ASTL: variants seen among roughly 807,000 people sequenced by gnomAD.
The protein encoded by ASTL is astacin like metalloendopeptidase, also known as astacin-like metalloendopeptidase.
A neutral mutation model predicts 36.7 loss-of-function variants in ASTL; 27 were observed. The observed-to-expected ratio is 0.73, with a 90% confidence interval of 0.54 to 1.01. The LOEUF (loss-of-function observed/expected upper bound fraction) is 1.01. Among genes scored for constraint, ASTL ranks in the 50% least tolerant of loss-of-function variants. The probability of loss-of-function intolerance (pLI) is 0.00; values close to 1 mark genes in which losing one functional copy is unlikely to be tolerated. For missense variants in ASTL, 524 were observed against 572.8 expected (o/e 0.91, Z 0.87); for synonymous variants, 222 against 228.1 (o/e 0.97, Z 0.24).
chr2:96,128,175 T>C (rs1264252460), intron 8 of ASTL, among the ~76,000 whole-genome samples: 1 of 148,722 alleles, frequency 6.7e-6, no homozygotes, highest in African/African-American at 2.5e-5. Context: ...GAAGTTGCAG[T>C]GAGCCAAGAT....
rs1025535934 is a variant in ASTL at position 96,133,446 on chromosome 2, A to G, written c.434T>C (p.Ile145Thr). The change falls in exon 5 of 9, where the codon ATT (isoleucine) becomes ACT (threonine). Residue 145 changes from isoleucine to threonine, a missense_variant. Physicochemically the swap from Ile to Thr is moderately conservative, Grantham distance 89. Coordinates refer to ENST00000342380, the MANE Select transcript of ASTL (RefSeq NM_001002036.4). ...FVTYQDQRDF[I>T]SIIPMYGCFS... Reference sequence around the variant, plus strand: ...TTACCCATACATGGGGATGATGGAAATGAAGTCTCTCTGGTCCTGATAGGT... The same window carrying G: ...TTACCCATACATGGGGATGATGGAAGTGAAGTCTCTCTGGTCCTGATAGGT... 1.2e-6 allele frequency: 2 copies of G among 1,612,602 alleles called. No individual in the cohort carries two copies. Among genetic ancestry groups the G allele is most frequent in the Non-Finnish European group, 1.7e-6 (2 of 1,178,680 alleles).
intron 8 of ASTL, among the ~76,000 whole-genome samples, chr2:96,128,039 C>A (rs1293121029): frequency 1.3e-5 from 2 of 152,082 alleles, no homozygotes. Context: ...TCAAGACCAG[C>A]CTAGCCAACA....
chr2:96,131,952 C>G (rs1005857074), intron 6 of ASTL, among the ~76,000 whole-genome samples: 1 of 152,200 alleles, frequency 6.6e-6, no homozygotes, highest in African/African-American at 2.4e-5. Flanking sequence ...CGCCACACAG[C>G]CGCTGCCAGC....
intron 1 of ASTL, among the ~76,000 whole-genome samples, 187 bp downstream of exon 1, chr2:96,138,195 C>G (rs1224879936): frequency 6.6e-6 from 1 of 152,194 alleles, no homozygotes; most frequent in Non-Finnish European, 1.5e-5. Context: ...CCTCTGCTTC[C>G]AGGGCCTTCA....
At chr2:96,128,208 G>C (rs1682101179) in intron 8 of ASTL, among the ~76,000 whole-genome samples, 1 of 149,940 alleles carries the variant, frequency 6.7e-6, no homozygotes, top group Admixed American at 6.6e-5. Flanking sequence ...CTCCAGCCTG[G>C]GCAAAAAGAG....
chr2:96,132,835 G>A lies in ASTL; in HGVS notation c.456-114C>T, dbSNP rs1331560104. On this transcript the variant is annotated intron_variant, in intron 5 of 8. Transcript: ENST00000342380. This position sits in a 1 kb window ranked among gnomAD's most constrained non-coding sequence, Gnocchi z 5.4. The stretch of plus-strand genomic sequence containing the variant: ...AGATAGACAAACTCCCAACAGGCAG[G>A]CCCCACTCTGGGCTCTAGTCTCAGG... The A allele has an allele frequency of 5.6e-5, 53 of 950,770 alleles. No homozygotes were observed. Among genetic ancestry groups the A allele is most frequent in the Non-Finnish European group, 7.8e-5 (51 of 656,554 alleles). The allele number at this position is 950,770 out of a possible 1,614,324, so 58.9% of individuals were successfully genotyped here.
chr2:96,137,873 T>C (rs1479069167), intron 1 of ASTL, 173 bp from the exon 2 acceptor site: 2 of 631,238 alleles, frequency 3.2e-6, no homozygotes, highest in Admixed American at 5.9e-5. Flanking sequence ...CAACCCCAAC[T>C]GGTGCCAAGG....
chr2:96,135,272 G>A, intron 3 of ASTL, 79 bp downstream of exon 3: 2 of 1,197,998 alleles, frequency 1.7e-6, no homozygotes, highest in South Asian at 2.5e-5. Flanking sequence ...CAGGCCCCAT[G>A]GCATCCAGGG....
intron 6 of ASTL, among the ~76,000 whole-genome samples, chr2:96,131,287 T>A (rs1475622253): frequency 6.6e-6 from 1 of 152,090 alleles, no homozygotes; most frequent in Middle Eastern, 3.2e-3. Flanking sequence ...TAGTCTTTCA[T>A]GATTTTTTTT....
At position 96,132,744 on chromosome 2, in the gene ASTL, G is replaced by T; in HGVS notation, c.456-23C>A. 1.3e-6 allele frequency: 2 copies of T among 1,594,008 alleles called. No individual in the cohort carries two copies. Among genetic ancestry groups the T allele is most frequent in the Non-Finnish European group, 1.7e-6 (2 of 1,164,974 alleles). The stretch of plus-strand genomic sequence containing the variant: ...CACCTGCAGGGTGATGAGAGCAAGT[G>T]GGGTAAGTGCCAGCCCAGATCCCTC... On this transcript the variant is annotated intron_variant, in intron 5 of 8. Transcript: ENST00000342380. This position sits in a 1 kb window ranked among gnomAD's most constrained non-coding sequence, Gnocchi z 5.4.
intron 6 of ASTL, among the ~76,000 whole-genome samples, chr2:96,131,883 A>G (rs181817454): frequency 1.5e-3 from 229 of 152,022 alleles, no homozygotes; most frequent in African/African-American, 4.9e-3. Flanking sequence ...TGCCTCCTGA[A>G]CCAGACCATC....
intron 2 of ASTL, among the ~76,000 whole-genome samples, chr2:96,136,198 G>T (rs570686357): frequency 3.3e-5 from 5 of 152,238 alleles, no homozygotes; most frequent in African/African-American, 1.2e-4. Context: ...TCCCATGGGC[G>T]CTCCAGACCA....
Position 96,133,978 on chromosome 2 carries a change from G to A in ASTL, c.324C>T (p.Leu108=), listed in dbSNP as rs759439566. The part of the protein sequence containing the change: ...GSGVVEVPFL[L]SSKYDEPSRQ... ...ATGCTCACTCACCGTACTTGCTGGA[G>A]AGCAGGAAGGGGACCTCCACGACAC... is the stretch of plus-strand genomic sequence containing the variant. The change falls in exon 4 of 9, where the codon CTC becomes CTT. Residue 108 remains leucine (L), a synonymous_variant. Coordinates refer to ENST00000342380, the MANE Select transcript of ASTL (RefSeq NM_001002036.4). 3 of 1,612,866 alleles carry A rather than the reference G, an allele frequency of 1.9e-6. No homozygotes were observed. In the Admixed American group the frequency reaches 5.0e-5, roughly 27 times the overall value.
At chr2:96,127,638 A>C (rs770771239) in intron 8 of ASTL, among the ~76,000 whole-genome samples, 6 of 151,918 alleles carry the variant, frequency 3.9e-5, no homozygotes, top group Non-Finnish European at 5.9e-5. Flanking sequence ...CAGTGGCACG[A>C]TCTTGGCTCA....
chr2:96,124,009 G>A lies in ASTL; in HGVS notation c.1137C>T (p.Pro379=), dbSNP rs200394326. The A allele has an allele frequency of 2.2e-5, 35 of 1,613,956 alleles. 1 individual carries two copies. Among genetic ancestry groups the A allele is most frequent in the South Asian group, 1.2e-4 (11 of 91,076 alleles). ...SPRSRPGAGA[P]GVAQEQSWLA... ...GCCAGGACTGCTCCTGAGCAACACCGGGGGCACCTGCTCCAGGCCTTGATC... is the reference window on the plus strand; with the variant it reads ...GCCAGGACTGCTCCTGAGCAACACCAGGGGCACCTGCTCCAGGCCTTGATC... Residue 379 remains proline, a synonymous_variant, in exon 9 of 9, where the codon CCC becomes CCT. Coordinates refer to ENST00000342380, the MANE Select transcript of ASTL (RefSeq NM_001002036.4). This position sits in a 1 kb window ranked among gnomAD's most constrained non-coding sequence, Gnocchi z 4.1.
rs967749358 is a variant in ASTL, at chr2:96,123,136, C to T, written c.*714G>A. On this transcript the variant is annotated 3_prime_UTR_variant, in exon 9 of 9. Transcript: ENST00000342380. ...AGGTAACCCCAGCCCTTTCTCCTTC[C>T]AAGGCTGCGCCTGGCTGAGCTCCAG... 6.6e-6 allele frequency among the ~76,000 whole-genome samples: 1 copy of T among 152,242 alleles called. No individual in the cohort carries two copies. Among genetic ancestry groups the T allele is most frequent in the Non-Finnish European group, 1.5e-5 (1 of 68,036 alleles).
Position 96,123,886 on chromosome 2 carries a change from T to C in ASTL, c.1260A>G (p.Val420=). 3 of 1,613,930 alleles carry C rather than the reference T, an allele frequency of 1.9e-6. No homozygotes were observed. The highest frequency in any genetic ancestry group is 2.5e-6 in the Non-Finnish European group (3 of 1,179,932). Reference sequence around the variant, plus strand: ...ACATCCCCTTGAAATGATTTCTAGGTACACAGCCCCCTGGCAGAGCTGGGC... The same window carrying C: ...ACATCCCCTTGAAATGATTTCTAGGCACACAGCCCCCTGGCAGAGCTGGGC... The part of the protein sequence containing the change: ...QGSPALPGGC[V]PRNHFKGMSE... Residue 420 remains valine, a synonymous_variant, in exon 9 of 9, where the codon GTA becomes GTG. Coordinates refer to ENST00000342380, the MANE Select transcript of ASTL (RefSeq NM_001002036.4).
At position 96,129,939 on chromosome 2, in the gene ASTL, TG is replaced by T. The variant is rs1486369443; in HGVS notation, c.758del (p.Pro253HisfsTer15). On this transcript the variant is annotated frameshift_variant, in exon 8 of 9. Transcript: ENST00000342380. LOFTEE classifies it high-confidence loss of function. Reference sequence around the variant, plus strand: ...CGATGTGGACACTGGGGGCCCAAAGTGGTGTGATGGTGGGCAGCCCACGCCG... The same window carrying T: ...CGATGTGGACACTGGGGGCCCAAAGTGTGTGATGGTGGGCAGCCCACGCCG... ...FSRRGLPTIT[P>X]LWAPSVHIGQ... The T allele has an allele frequency of 6.2e-7, 1 of 1,604,722 alleles. No homozygotes were observed. The highest frequency in any genetic ancestry group is 1.8e-4 in the Middle Eastern group (1 of 5,646).
At chr2:96,138,522 C>T (rs952178284), upstream of ASTL, 51 of 1,162,458 alleles carry the variant, frequency 4.4e-5, no homozygotes, top group Non-Finnish European at 6.2e-5. Flanking sequence ...ACCACCACCC[C>T]CTCTTAAATA....
Sources: allele counts gnomAD v4.1 joint callset (sites outside exome capture counted in the v4.1 genomes callset), GRCh38; gene constraint gnomAD v4.1.1; non-coding constraint Gnocchi (gnomAD v3.1); transcripts MANE v1.5; gene names NCBI Gene and HGNC (gene_info 2026-07-23, HGNC 2026-07-21).